ALX4: variants seen among roughly 807,000 people sequenced by gnomAD.
ALX4 encodes homeobox protein aristaless-like 4.
Under a neutral mutation model 40.6 loss-of-function variants are expected in ALX4, and 22 were observed. The ratio of observed to expected loss-of-function variants is 0.54; its 90% CI spans 0.39 to 0.77. ALX4 has a LOEUF of 0.77. Ranked by LOEUF, ALX4 falls within the 30% of genes least tolerant of loss-of-function variation. ALX4 has a pLI of 0.00. For synonymous variants in ALX4, 266 were observed against 240.5 expected (o/e 1.11, Z -0.98); for missense variants, 556 against 564.8 (o/e 0.98, Z 0.16).
chr11:44,306,582 C>A (rs757686287), intron 1 of ALX4, among the ~76,000 whole-genome samples: 1 of 152,262 alleles, frequency 6.6e-6, no homozygotes, highest in Non-Finnish European at 1.5e-5. Context: ...CAGCTGCCTG[C>A]CTGAAGACGG....
At chr11:44,265,305 G>T in intron 3 of ALX4, 122 bp from the exon 4 acceptor site, 1 of 999,416 alleles carries the variant, frequency 1.0e-6, no homozygotes, top group Non-Finnish European at 1.5e-6. Context: ...CCCCTCTTGA[G>T]TGTTTAGCCT....
intron 2 of ALX4, among the ~76,000 whole-genome samples, chr11:44,269,640 C>T (rs541711207): frequency 1.3e-5 from 2 of 152,328 alleles, no homozygotes; most frequent in South Asian, 4.1e-4. Context: ...TCAGCCCCTG[C>T]CCTGGCCTCC....
rs182406155 is a variant in ALX4 at position 44,305,943 on chromosome 11, C to T, written c.466+3654G>A. On this transcript the variant is annotated intron_variant, in intron 1 of 3. Coordinates refer to ENST00000652299, the MANE Select transcript of ALX4 (RefSeq NM_021926.4). The stretch of plus-strand genomic sequence containing the variant: ...CAGTACGCGCCGGCTGCAGCTCCGG[C>T]GGTCGGATCCGGAGTTTGGGGGCGA... Among the ~76,000 whole-genome samples the T allele has an allele frequency of 1.2e-4, 19 of 152,356 alleles. No homozygotes were observed. The East Asian group carries it at 2.7e-3, about 22-fold the overall frequency.
chr11:44,289,155 T>G (rs1211367450), intron 1 of ALX4, among the ~76,000 whole-genome samples: 1 of 152,126 alleles, frequency 6.6e-6, no homozygotes, highest in East Asian at 1.9e-4. Context: ...CAATTTTGGT[T>G]GAAAAGGTCG....
At chr11:44,281,623 C>T (rs747007283) in intron 1 of ALX4, among the ~76,000 whole-genome samples, 1 of 151,994 alleles carries the variant, frequency 6.6e-6, no homozygotes, top group Non-Finnish European at 1.5e-5. Flanking sequence ...GCATGAGGCC[C>T]TTTCATGCTA....
intron 1 of ALX4, among the ~76,000 whole-genome samples, chr11:44,278,039 A>T (rs1044805835): frequency 7.3e-6 from 1 of 137,762 alleles, no homozygotes; most frequent in East Asian, 2.1e-4. Flanking sequence ...TAGAAACCCC[A>T]CCCAGCCTCA....
At position 44,261,388 on chromosome 11, in the gene ALX4, G is replaced by T. The variant is rs778340814; in HGVS notation, c.*3466C>A. On this transcript the variant is annotated 3_prime_UTR_variant, in exon 4 of 4. Coordinates refer to ENST00000652299, the MANE Select transcript of ALX4 (RefSeq NM_021926.4). Reference sequence around the variant, plus strand: ...GTGTGATCACAGCTGTGTGTGCTGGGGACCCACCCCACACTTGCTGCACCT... The same window carrying T: ...GTGTGATCACAGCTGTGTGTGCTGGTGACCCACCCCACACTTGCTGCACCT... 2 of 152,164 alleles carry T rather than the reference G, an allele frequency of 1.3e-5. No individual in the cohort carries two copies. The highest frequency in any genetic ancestry group is 2.9e-5 in the Non-Finnish European group (2 of 68,032). 9.4% of individuals were successfully genotyped at this position (152,164 alleles called of 1,614,324 possible).
chr11:44,295,436 G>C (rs1956397502), intron 1 of ALX4, among the ~76,000 whole-genome samples: 1 of 152,226 alleles, frequency 6.6e-6, no homozygotes, highest in South Asian at 2.1e-4. Context: ...AGGGCACATG[G>C]CTGGAAGACC....
chr11:44,293,559 T>A (rs1956385664), intron 1 of ALX4, among the ~76,000 whole-genome samples: 1 of 152,228 alleles, frequency 6.6e-6, no homozygotes, highest in South Asian at 2.1e-4. Flanking sequence ...ACGGGATAGA[T>A]CTCCTGAGAG....
At chr11:44,307,964 G>A (rs565051318) in intron 1 of ALX4, among the ~76,000 whole-genome samples, 13 of 152,224 alleles carry the variant, frequency 8.5e-5, no homozygotes, top group South Asian at 4.1e-4. Flanking sequence ...GTGCCTGCAT[G>A]TGGAGCTGTG....
intron 1 of ALX4, among the ~76,000 whole-genome samples, chr11:44,301,628 A>C (rs1296330368): frequency 2.0e-5 from 3 of 152,202 alleles, no homozygotes; most frequent in Non-Finnish European, 2.9e-5. Context: ...AGAGAGTGCA[A>C]CTTACTGGAC....
In ALX4 at chr11:44,309,734, TGCTGCTGCGGCTGCG is replaced by T. The variant is rs754798578; in HGVS notation, c.314_328del (p.Pro105_Gln109del). On this transcript the variant is annotated inframe_deletion, in exon 1 of 4. Coordinates refer to ENST00000652299, the MANE Select transcript of ALX4 (RefSeq NM_021926.4). ...CGCGGGCGGCTGGGGCTGCGGCTGC[TGCTGCTGCGGCTGCG>T]GCTGCGGCGGCGGCTGGGGCTGCGG... 3.9e-6 allele frequency: 6 copies of T among 1,557,266 alleles called. No homozygotes were observed. The Admixed American group carries it at 5.7e-5, about 15-fold the overall frequency.
At chr11:44,269,781 G>A (rs11037923) in intron 2 of ALX4, among the ~76,000 whole-genome samples, 1 of 152,236 alleles carries the variant, frequency 6.6e-6, no homozygotes, top group Non-Finnish European at 1.5e-5. Flanking sequence ...TGGGATGGGA[G>A]ACTGGGGCCA....
Position 44,289,424 on chromosome 11 carries a change from G to C in ALX4, c.467-13766C>G, listed in dbSNP as rs759000325. ...CCACTATCTCCTCTGACCCTCCCCA[G>C]ATCCCATGAGGTCAGTGTTGGTATC... On this transcript the variant is annotated intron_variant, in intron 1 of 3. Transcript: ENST00000652299. 2.0e-5 allele frequency among the ~76,000 whole-genome samples: 3 copies of C among 152,152 alleles called. No homozygotes were observed. In the East Asian group the frequency reaches 5.8e-4, roughly 29 times the overall value.
intron 1 of ALX4, among the ~76,000 whole-genome samples, chr11:44,279,204 T>C (rs1365978568): frequency 6.6e-6 from 1 of 152,174 alleles, no homozygotes; most frequent in Non-Finnish European, 1.5e-5. Context: ...ACCCAGCCCA[T>C]GTCTGTCTCC....
intron 2 of ALX4, among the ~76,000 whole-genome samples, chr11:44,274,988 C>A (rs1406159036): frequency 6.6e-6 from 1 of 152,166 alleles, no homozygotes; most frequent in Non-Finnish European, 1.5e-5. Context: ...AAGAGATAGG[C>A]CTTCTAGAGC....
At chr11:44,280,428 G>A (rs970605200) in intron 1 of ALX4, among the ~76,000 whole-genome samples, 5 of 152,320 alleles carry the variant, frequency 3.3e-5, no homozygotes, top group African/African-American at 1.2e-4. Flanking sequence ...GGGGCACCTC[G>A]TGCTGGCATA....
rs1214628859 is a variant in ALX4, at chr11:44,310,095, G to T, written c.-33C>A. ...TTGCGCAGGCGGCGGGCGGGGACGC[G>T]AGCGAGGGCGCGAGGACGCCACCGC... On this transcript the variant is annotated 5_prime_UTR_variant, in exon 1 of 4. Coordinates refer to ENST00000652299, the MANE Select transcript of ALX4 (RefSeq NM_021926.4). 2 of 1,549,212 alleles carry T rather than the reference G, an allele frequency of 1.3e-6. No homozygotes were observed. The highest frequency in any genetic ancestry group is 1.2e-5 in the South Asian group (1 of 82,998).
At chr11:44,309,050 C>A (rs1244492034) in intron 1 of ALX4, among the ~76,000 whole-genome samples, 1 of 152,240 alleles carries the variant, frequency 6.6e-6, no homozygotes, top group Non-Finnish European at 1.5e-5. Flanking sequence ...CAACCACGCT[C>A]CGGGCTTCCC....
Sources: gnomAD v4.1 joint callset for allele counts (sites outside exome capture counted in the v4.1 genomes callset) on GRCh38, gnomAD v4.1.1 for gene constraint, MANE v1.5 for transcripts, NCBI Gene and HGNC (gene_info 2026-07-23, HGNC 2026-07-21) for gene names.